The following EXOC1 variants were observed in gnomAD, a reference collection of about 807,000 sequenced individuals.
EXOC1 encodes the protein SEC3-like 1.
Under a neutral mutation model 107.7 loss-of-function variants are expected in EXOC1, and 67 were observed. The ratio of observed to expected loss-of-function variants is 0.62; its 90% confidence interval spans 0.51 to 0.76. The LOEUF (loss-of-function observed/expected upper bound fraction) is 0.76, where lower values mean the gene tolerates loss of function less well. Among genes scored for constraint, EXOC1 ranks in the 30% least tolerant of loss-of-function variants. EXOC1 has a pLI of 0.00. For synonymous variants in EXOC1, 348 were observed against 353.5 expected (o/e 0.98, Z 0.17); for missense variants, 833 against 1,055.7 (o/e 0.79, Z 2.92).
In EXOC1 at chr4:55,904,492, C is replaced by T. The variant is rs1164097915; in HGVS notation, c.2682C>T (p.His894=). The T allele has an allele frequency of 1.2e-6, 2 of 1,604,956 alleles. No homozygotes were observed. Among genetic ancestry groups the T allele is most frequent in the Non-Finnish European group, 8.5e-7 (1 of 1,175,962 alleles). The change falls in exon 19 of 19, where the codon CAC becomes CAT. Residue 894 remains histidine, a synonymous_variant. Coordinates refer to ENST00000381295, the MANE Select transcript of EXOC1 (RefSeq NM_001024924.2). ...ATTGTTCCAGCATTGCACAGTCCCA[C>T]TAAACCTTGTGAAAGAAGAAAAGAT... is the stretch of plus-strand genomic sequence containing the variant. ...LDYCSSIAQS[H] is the part of the protein sequence containing the mutation.
intron 16 of EXOC1, among the ~76,000 whole-genome samples, chr4:55,898,659 T>C (rs941197822): frequency 1.4e-4 from 21 of 152,332 alleles, no homozygotes; most frequent in African/African-American, 4.8e-4. Flanking sequence ...CTCTCTTCTA[T>C]ATATGGGCAT....
intron 16 of EXOC1, among the ~76,000 whole-genome samples, chr4:55,898,524 T>C (rs1179828191): frequency 2.6e-5 from 4 of 152,186 alleles, no homozygotes; most frequent in Admixed American, 2.6e-4. Context: ...CATAAATAAC[T>C]ATTTATCCCC....
At position 55,883,928 on chromosome 4, in the gene EXOC1, G is replaced by A; in HGVS notation, c.1330G>A (p.Ala444Thr). The A allele has an allele frequency of 6.3e-7, 1 of 1,594,892 alleles. No individual in the cohort carries two copies. Among genetic ancestry groups the A allele is most frequent in the African/African-American group, 1.4e-5 (1 of 73,968 alleles). ...CACAACTAAAGAAAGCAAGAAGTTT[G>A]GTAAGCTTAGGCATGTCAGTTCATT... ...TGTTKESKKF[A>T]TLPRKESAVK... Residue 444 changes from alanine to threonine, a missense_variant and splice_region_variant, in exon 10 of 19, where the codon GCT (alanine) becomes ACT (threonine). Physicochemically the swap from Ala to Thr is moderately conservative, Grantham distance 58. Transcript: ENST00000381295.
chr4:55,890,044 A>G (rs1724334884), intron 11 of EXOC1, among the ~76,000 whole-genome samples, 179 bp from the exon 12 acceptor site: 1 of 152,136 alleles, frequency 6.6e-6, no homozygotes, highest in Non-Finnish European at 1.5e-5. Flanking sequence ...GAATTAGGAC[A>G]CCAATGTTAA....
At chr4:55,860,062 A>G (rs189922873) in intron 2 of EXOC1, among the ~76,000 whole-genome samples, 228 of 152,292 alleles carry the variant, frequency 1.5e-3, no homozygotes, top group Middle Eastern at 3.4e-3. Context: ...TTATATATAA[A>G]TGTATTGTTG....
intron 9 of EXOC1, among the ~76,000 whole-genome samples, chr4:55,880,830 C>A (rs575412017): frequency 6.6e-6 from 1 of 152,146 alleles, no homozygotes; most frequent in African/African-American, 2.4e-5. Context: ...TTGACTTTTT[C>A]CCAGGAATGT....
At chr4:55,887,153 A>G (rs1159049614) in intron 10 of EXOC1, among the ~76,000 whole-genome samples, 2 of 152,088 alleles carry the variant, frequency 1.3e-5, no homozygotes, top group African/African-American at 2.4e-5. Context: ...TTTACTTTCT[A>G]CTGTTGAGAT....
intron 9 of EXOC1, among the ~76,000 whole-genome samples, chr4:55,882,099 T>TTTGTTGTTGTTGTTGTTG (rs57694786): frequency 6.6e-6 from 1 of 150,872 alleles, no homozygotes; most frequent in African/African-American, 2.4e-5. Context: ...CCATAGGGTT[T>TTTGTTGTTGTTGTTGTTG]TTGTTGTTGT....
chr4:55,868,272 T>C, intron 4 of EXOC1, 64 bp from the exon 5 acceptor site: 1 of 1,380,986 alleles, frequency 7.2e-7, no homozygotes, highest in Non-Finnish European at 9.8e-7. Context: ...CCTACCTATA[T>C]GTATTATGTT....
intron 8 of EXOC1, chr4:55,877,220 T>C (rs1044746567): frequency 1.7e-5 from 17 of 985,272 alleles, no homozygotes; most frequent in Admixed American, 6.2e-5. Context: ...GGAAATGAGT[T>C]AACTAGCTCC....
chr4:55,893,243 C>T (rs773843497), intron 14 of EXOC1, among the ~76,000 whole-genome samples: 2 of 152,082 alleles, frequency 1.3e-5, no homozygotes, highest in Non-Finnish European at 2.9e-5. Context: ...ACTCAGCCTC[C>T]CAAGTAGCTG....
chr4:55,898,881 A>C (rs1725556441), intron 16 of EXOC1, among the ~76,000 whole-genome samples: 1 of 152,230 alleles, frequency 6.6e-6, no homozygotes, highest in East Asian at 1.9e-4. Flanking sequence ...TAGTTTATCT[A>C]TCTTTGTATA....
intron 4 of EXOC1, among the ~76,000 whole-genome samples, chr4:55,864,983 C>G (rs530652417): frequency 6.6e-6 from 1 of 152,252 alleles, no homozygotes; most frequent in African/African-American, 2.4e-5. Flanking sequence ...TATGACTTTG[C>G]ATTGATACTT....
chr4:55,893,879 G>A, intron 15 of EXOC1, 99 bp downstream of exon 15: 1 of 982,610 alleles, frequency 1.0e-6, no homozygotes, highest in Non-Finnish European at 1.5e-6. Flanking sequence ...TTCTGTTGGG[G>A]AATCTGTTGT....
At chr4:55,877,192 C>G (rs1170467869) in intron 8 of EXOC1, 2 of 984,900 alleles carry the variant, frequency 2.0e-6, no homozygotes, top group Non-Finnish European at 1.2e-6. Flanking sequence ...TCATAATTAG[C>G]TTTAGGTAAC....
chr4:55,902,608 C>G, intron 18 of EXOC1, 70 bp downstream of exon 18: 1 of 1,243,456 alleles, frequency 8.0e-7, no homozygotes, highest in South Asian at 2.1e-5. Context: ...AAATAATTTT[C>G]TAGAAATGCT....
chr4:55,861,401 A>G (rs1721461966), intron 3 of EXOC1, among the ~76,000 whole-genome samples: 1 of 152,256 alleles, frequency 6.6e-6, no homozygotes, highest in Non-Finnish European at 1.5e-5. Flanking sequence ...CACAAAGTAA[A>G]AACAACAAAA....
chr4:55,875,825 G>A, intron 8 of EXOC1: 1 of 979,854 alleles, frequency 1.0e-6, no homozygotes, highest in Non-Finnish European at 1.2e-6. Flanking sequence ...AGCACTTTGG[G>A]AGGCTGAAGT....
intron 8 of EXOC1, chr4:55,876,237 T>C: frequency 7.1e-6 from 7 of 985,434 alleles, no homozygotes; most frequent in Non-Finnish European, 8.4e-6. Flanking sequence ...CTTTAGCTCT[T>C]AGTCCTCATT....
Sources: allele counts gnomAD v4.1 joint callset (sites outside exome capture counted in the v4.1 genomes callset), GRCh38; gene constraint gnomAD v4.1.1; transcripts MANE v1.5; gene names NCBI Gene and HGNC (gene_info 2026-07-23, HGNC 2026-07-21).